Variants in CCSER2 observed in about 807,000 individuals in gnomAD.
The protein encoded by CCSER2 is coiled-coil serine rich protein 2, also known as serine-rich coiled-coil domain-containing protein 2.
A neutral mutation model predicts 92.3 loss-of-function variants in CCSER2; 46 were observed. That is an observed-to-expected ratio of 0.50 (90% CI 0.39 to 0.64). The LOEUF (loss-of-function observed/expected upper bound fraction) is 0.64, where lower values mean the gene tolerates loss of function less well. Among genes scored for constraint, CCSER2 ranks in the 30% least tolerant of loss-of-function variants. The pLI, the probability that CCSER2 is intolerant of heterozygous loss-of-function variation, is 0.00. For missense variants in CCSER2, 1,244 were observed against 1,238.9 expected, an observed-to-expected ratio of 1.00 and a Z score of -0.06; for synonymous variants, 433 against 431.4, an observed-to-expected ratio of 1.00 and a Z score of -0.04.
chr10:84,361,803 G>A (rs1816603821), intron 1 of CCSER2, among the ~76,000 whole-genome samples: 1 of 151,946 alleles, frequency 6.6e-6, no homozygotes, highest in Non-Finnish European at 1.5e-5. Context: ...ACCATGCCTG[G>A]CTAATTTTGT....
At chr10:84,379,407 T>C (rs1840771709) in intron 3 of CCSER2, among the ~76,000 whole-genome samples, 1 of 152,130 alleles carries the variant, frequency 6.6e-6, no homozygotes, top group Admixed American at 6.5e-5. Flanking sequence ...TTGATTTTGG[T>C]TTATATCTTT....
chr10:84,465,239 TTGTGTGTGTGTGTG>T (rs59254139), intron 7 of CCSER2, among the ~76,000 whole-genome samples: 5,356 of 106,812 alleles, frequency 0.05, 278 homozygotes, highest in Non-Finnish European at 0.071. Flanking sequence ...TTTCCTGAAT[TTGTGTGTGTGTGTG>T]TGTGTGTGTG....
rs548947263 is a variant in CCSER2 at position 84,507,389 on chromosome 10, G to T, written c.2326-6060G>T. On this transcript the variant is annotated intron_variant, in intron 9 of 9. Coordinates refer to ENST00000372088, the MANE Select transcript of CCSER2 (RefSeq NM_001284240.2). ...ACCTTCCTCATAATCACTTTTTTTG[G>T]TTTTTTTTTCCAGTTTGCATGATGC... is the stretch of plus-strand genomic sequence containing the variant. 2,919 of 853,176 alleles carry T rather than the reference G, an allele frequency of 3.4e-3. 14 individuals carry two copies. Among genetic ancestry groups the T allele is most frequent in the African/African-American group, 4.0e-3 (219 of 54,258 alleles). The allele number at this position is 853,176 out of a possible 1,614,324, so 52.9% of individuals were successfully genotyped here. A position where few individuals can be genotyped will look rare whatever the true frequency, so the allele number is the denominator to read the frequency against.
chr10:84,459,838 A>G lies in CCSER2; in HGVS notation c.2065-4095A>G, dbSNP rs186195421. ...CATGCCTGGTGGGTTTTTTGGATGAACTTTATCAGGTTGAGCAAGTTCTTT... is the reference window on the plus strand; with the variant it reads ...CATGCCTGGTGGGTTTTTTGGATGAGCTTTATCAGGTTGAGCAAGTTCTTT... On this transcript the variant is annotated intron_variant, in intron 6 of 9. Transcript: ENST00000372088. Among the ~76,000 whole-genome samples, 56 of 151,534 alleles carry G rather than the reference A, an allele frequency of 3.7e-4. 1 individual carries two copies. In the East Asian group the frequency reaches 0.01, roughly 28 times the overall value.
At chr10:84,433,772 CTTTTT>C (rs1053163200) in intron 5 of CCSER2, among the ~76,000 whole-genome samples, 1 of 151,522 alleles carries the variant, frequency 6.6e-6, no homozygotes, top group Non-Finnish European at 1.5e-5. Context: ...TAGTTTGCAT[CTTTTT>C]TTTTATCTTG....
At chr10:84,445,725 T>A (rs1346149783) in intron 6 of CCSER2, among the ~76,000 whole-genome samples, 1 of 152,202 alleles carries the variant, frequency 6.6e-6, no homozygotes, top group African/African-American at 2.4e-5. Context: ...TAGGATATAC[T>A]TGTTTTATAT....
chr10:84,457,626 A>G (rs1187610141), intron 6 of CCSER2, among the ~76,000 whole-genome samples: 1 of 23,914 alleles, frequency 4.2e-5, no homozygotes, highest in African/African-American at 1.3e-4. Context: ...TTATATATTT[A>G]TATATTATAT....
At chr10:84,335,847 T>C (rs11200997) in intron 1 of CCSER2, among the ~76,000 whole-genome samples, 50,483 of 151,996 alleles carry the variant, frequency 0.33, 9,919 homozygotes, top group African/African-American at 0.55. Flanking sequence ...TCTCTGAAGA[T>C]CTTAGCTTAG....
At chr10:84,359,199 T>A (rs1362741955) in intron 1 of CCSER2, among the ~76,000 whole-genome samples, 1 of 152,206 alleles carries the variant, frequency 6.6e-6, no homozygotes. Flanking sequence ...ATGAGTTAAT[T>A]CAGGCATTAC....
At chr10:84,389,972 A>G (rs975047433) in intron 3 of CCSER2, among the ~76,000 whole-genome samples, 1 of 152,120 alleles carries the variant, frequency 6.6e-6, no homozygotes, top group Non-Finnish European at 1.5e-5. Flanking sequence ...TTATTAGGAA[A>G]TGCTGTTTCA....
At chr10:84,365,022 G>A (rs748451691) in intron 1 of CCSER2, among the ~76,000 whole-genome samples, 3 of 151,918 alleles carry the variant, frequency 2.0e-5, no homozygotes, top group East Asian at 1.9e-4. Context: ...GATTATAGGC[G>A]TGAGTCACCA....
chr10:84,483,976 T>G (rs1847628321), intron 9 of CCSER2, among the ~76,000 whole-genome samples: 1 of 121,934 alleles, frequency 8.2e-6, no homozygotes, highest in South Asian at 2.7e-4. Flanking sequence ...TATATATATA[T>G]ATATATATAT....
At chr10:84,451,379 C>T (rs972218171) in intron 6 of CCSER2, among the ~76,000 whole-genome samples, 6 of 151,314 alleles carry the variant, frequency 4.0e-5, no homozygotes, top group South Asian at 4.2e-4. Context: ...CTTCTGGCTT[C>T]GAATGATCCT....
chr10:84,371,875 C>A lies in CCSER2; in HGVS notation c.823C>A (p.Arg275=), dbSNP rs139772636. 1.9e-6 allele frequency: 3 copies of A among 1,613,658 alleles called. No homozygotes were observed. Among genetic ancestry groups the A allele is most frequent in the Non-Finnish European group, 2.5e-6 (3 of 1,179,674 alleles). Residue 275 remains arginine (R), a synonymous_variant, in exon 2 of 10, where the codon CGG becomes AGG. Transcript: ENST00000372088. The part of the protein sequence containing the change: ...LRSSMLTRNS[R]QPEVLNGNEH... ...GTCAAGTATGCTAACAAGAAATTCC[C>A]GGCAGCCAGAAGTACTCAATGGGAA... is the stretch of plus-strand genomic sequence containing the variant.
At chr10:84,465,395 G>A (rs1846357517) in intron 7 of CCSER2, among the ~76,000 whole-genome samples, 1 of 144,012 alleles carries the variant, frequency 6.9e-6, no homozygotes, top group South Asian at 2.2e-4. Context: ...CGCAATCTCG[G>A]CTCACTGCAG....
intron 7 of CCSER2, 94 bp from the exon 8 acceptor site, chr10:84,470,278 G>A (rs1846710352): frequency 1.5e-6 from 1 of 646,332 alleles, no homozygotes; most frequent in Non-Finnish European, 2.2e-6. Context: ...TAAATGACCA[G>A]ATAGTTTGTT....
intron 9 of CCSER2, among the ~76,000 whole-genome samples, chr10:84,501,954 A>G (rs142951183): frequency 1.3e-4 from 18 of 138,302 alleles, no homozygotes; most frequent in African/African-American, 4.6e-4. Flanking sequence ...TGAGACTTGT[A>G]GGTCCCTGTT....
intron 1 of CCSER2, among the ~76,000 whole-genome samples, chr10:84,353,936 G>A (rs1845011951): frequency 6.6e-6 from 1 of 152,118 alleles, no homozygotes; most frequent in Non-Finnish European, 1.5e-5. Flanking sequence ...GGTGGCTCAT[G>A]CCTGTAATCC....
chr10:84,364,681 A>G (rs1254890602), intron 1 of CCSER2, among the ~76,000 whole-genome samples: 4 of 152,112 alleles, frequency 2.6e-5, no homozygotes, highest in Non-Finnish European at 4.4e-5. Context: ...ATTTCTTTTA[A>G]AAGCGAGAAG....
Sources: gnomAD v4.1 joint callset for allele counts (sites outside exome capture counted in the v4.1 genomes callset) on GRCh38, gnomAD v4.1.1 for gene constraint, MANE v1.5 for transcripts, NCBI Gene and HGNC (gene_info 2026-07-23, HGNC 2026-07-21) for gene names.